Variants in PEX7 observed in about 807,000 individuals in gnomAD.
PEX7 encodes the protein peroxisomal biogenesis factor 7, also known as PTS2 receptor.
PEX7 carries 34 observed loss-of-function variants against 47.5 expected under a neutral mutation model. That is an observed-to-expected ratio of 0.72 (90% CI 0.54 to 0.95). The LOEUF is 0.95. PEX7 is among the 40% of genes least tolerant of loss of function. PEX7 has a pLI of 0.00. For synonymous variants in PEX7, 141 were observed against 148.8 expected, an observed-to-expected ratio of 0.95 and a Z score of 0.38; for missense variants, 394 against 400.3, an observed-to-expected ratio of 0.98 and a Z score of 0.13.
intron 9 of PEX7, among the ~76,000 whole-genome samples, chr6:136,913,187 T>TG (rs1321981405): frequency 6.6e-6 from 1 of 152,160 alleles, no homozygotes; most frequent in African/African-American, 2.4e-5. Flanking sequence ...GAAGTGAAGG[T>TG]GGGGGACATT....
chr6:136,873,208 C>A (rs1280476249), intron 8 of PEX7, among the ~76,000 whole-genome samples: 1 of 152,122 alleles, frequency 6.6e-6, no homozygotes, highest in East Asian at 1.9e-4. Context: ...TCCTGGAAAT[C>A]ATTCTGTATC....
At chr6:136,890,799 G>T (rs1190097438) in intron 8 of PEX7, among the ~76,000 whole-genome samples, 2 of 152,112 alleles carry the variant, frequency 1.3e-5, no homozygotes, top group East Asian at 3.9e-4. Context: ...TAGGTGTGGG[G>T]TGAAGTTCTA....
rs375142473 is a variant in PEX7, at chr6:136,843,629, T to C, written c.340-1986T>C. 6.1e-4 allele frequency among the ~76,000 whole-genome samples: 93 copies of C among 152,376 alleles called. 2 individuals carry two copies. The highest frequency in any genetic ancestry group is 2.2e-3 in the African/African-American group (92 of 41,584). ...TTACCATTTACTATATGGTCCTTTG[T>C]AGGCGAAATTTAGAGGATAAAATCA... On this transcript the variant is annotated intron_variant, in intron 3 of 9. Transcript: ENST00000318471.
At position 136,881,179 on chromosome 6, in the gene PEX7, G is replaced by A. The variant is rs367565537; in HGVS notation, c.803+8926G>A. ...GAACAAAAATTCCCTCCTTCAGGAG[G>A]GAGTTCATGTTGGAAAGCAGGAAGG... On this transcript the variant is annotated intron_variant, in intron 8 of 9. Coordinates refer to ENST00000318471, the MANE Select transcript of PEX7 (RefSeq NM_000288.4). Among the ~76,000 whole-genome samples, 22 of 152,250 alleles carry A rather than the reference G, an allele frequency of 1.4e-4. No homozygotes were observed. In the South Asian group the frequency reaches 4.6e-3, roughly 32 times the overall value.
Position 136,900,872 on chromosome 6 carries a change from C to A in PEX7, c.903+2631C>A. On this transcript the variant is annotated intron_variant, in intron 9 of 9. Transcript: ENST00000318471. This position sits in a 1 kb window ranked among gnomAD's most constrained non-coding sequence, Gnocchi z 4.2. ...CTTTGTCTCTGGTCTGTATTATGGG[C>A]CAGCTTATGTAGTTGAGTAGCTGTT... 2 of 267,022 alleles carry A rather than the reference C, an allele frequency of 7.5e-6. No individual in the cohort carries two copies. The highest frequency in any genetic ancestry group is 1.2e-4 in the East Asian group (1 of 8,364). The allele number at this position is 267,022 out of a possible 1,614,324, so 16.5% of individuals were successfully genotyped here. A position where few individuals can be genotyped will look rare whatever the true frequency, so the allele number is the denominator to read the frequency against.
At chr6:136,903,312 G>T (rs1388675128) in intron 9 of PEX7, among the ~76,000 whole-genome samples, 1 of 149,116 alleles carries the variant, frequency 6.7e-6, no homozygotes, top group Admixed American at 6.7e-5. Flanking sequence ...CAAAGTTTGG[G>T]TAAACAATCT....
At chr6:136,886,587 C>T (rs186517622) in intron 8 of PEX7, among the ~76,000 whole-genome samples, 68 of 152,272 alleles carry the variant, frequency 4.5e-4, no homozygotes, top group African/African-American at 1.4e-3. Flanking sequence ...CCTAGCATTA[C>T]GTTAATAACA....
rs138610272 is a variant in PEX7 at position 136,893,466 on chromosome 6, C to T, written c.804-4676C>T. Among the ~76,000 whole-genome samples the T allele has an allele frequency of 5.7e-3, 861 of 152,282 alleles. 15 individuals are homozygous for T. The highest frequency in any genetic ancestry group is 0.019 in the African/African-American group (810 of 41,554). On this transcript the variant is annotated intron_variant, in intron 8 of 9. Transcript: ENST00000318471. Reference sequence around the variant, plus strand: ...AGTCATCCTGCATTGTCTTTTGGGGCACTTGTCAATTGTCATTACGTTTGT... The same window carrying T: ...AGTCATCCTGCATTGTCTTTTGGGGTACTTGTCAATTGTCATTACGTTTGT...
At chr6:136,903,135 T>C (rs1775781613) in intron 9 of PEX7, among the ~76,000 whole-genome samples, 1 of 152,148 alleles carries the variant, frequency 6.6e-6, no homozygotes, top group African/African-American at 2.4e-5. Flanking sequence ...GCACATATTT[T>C]TAAGTGTACA....
At chr6:136,898,331 G>C (rs1775689197) in intron 9 of PEX7, 90 bp downstream of exon 9, 1 of 831,726 alleles carries the variant, frequency 1.2e-6, no homozygotes, top group Non-Finnish European at 2.1e-6. Context: ...TAAAATTGTT[G>C]CCATTTTAGC....
intron 8 of PEX7, among the ~76,000 whole-genome samples, chr6:136,872,744 CTATT>C (rs1775204679): frequency 6.6e-6 from 1 of 152,010 alleles, no homozygotes; most frequent in African/African-American, 2.4e-5. Flanking sequence ...GTGTGGGTCT[CTATT>C]TATACTTCCA....
At chr6:136,855,589 C>T (rs1562739152) in intron 5 of PEX7, 1 of 181,588 alleles carries the variant, frequency 5.5e-6, no homozygotes, top group Non-Finnish European at 1.1e-5. Flanking sequence ...ATCCGCCTGC[C>T]TTGGCCTCCC....
chr6:136,856,875 A>G (rs963381595), intron 5 of PEX7, among the ~76,000 whole-genome samples: 1 of 151,992 alleles, frequency 6.6e-6, no homozygotes, highest in Admixed American at 6.5e-5. Flanking sequence ...AAGCTCTAAC[A>G]TATGTTCTTC....
In PEX7 at chr6:136,898,145, C is replaced by A. The variant is rs949000822; in HGVS notation, c.807C>A (p.Phe269Leu). ...ASCSYDFTVR[F>L]WNFSKPDSLL... is the part of the protein sequence containing the mutation. ...TCCCTTTTATTTATCTTCACAGATT[C>A]TGGAACTTTTCAAAGCCTGACTCTC... Residue 269 changes from phenylalanine (F) to leucine (L), a missense_variant, in exon 9 of 10, where the codon TTC (phenylalanine) becomes TTA (leucine). By Grantham distance (22) the Phe-to-Leu change is conservative. Transcript: ENST00000318471. 5.7e-6 allele frequency: 9 copies of A among 1,590,958 alleles called. No homozygotes were observed. Among genetic ancestry groups the A allele is most frequent in the Non-Finnish European group, 7.8e-6 (9 of 1,159,064 alleles).
chr6:136,903,428 G>A (rs953670518), intron 9 of PEX7, among the ~76,000 whole-genome samples: 28 of 146,956 alleles, frequency 1.9e-4, no homozygotes, highest in Non-Finnish European at 4.0e-4. Context: ...CTCCTGCCTC[G>A]GCCTCCCAAA....
chr6:136,913,817 A>G lies in PEX7; in HGVS notation c.*291A>G. 2.8e-6 allele frequency: 1 copy of G among 359,512 alleles called. No individual in the cohort carries two copies. Among genetic ancestry groups the G allele is most frequent in the Non-Finnish European group, 5.1e-6 (1 of 196,634 alleles). The allele number at this position is 359,512 out of a possible 1,614,324, so 22.3% of individuals were successfully genotyped here. ...CATAAAATGGATTAAAATATGGGAGATCAGTAGGTTATACTTATATAGATA... is the reference window on the plus strand; with the variant it reads ...CATAAAATGGATTAAAATATGGGAGGTCAGTAGGTTATACTTATATAGATA... On this transcript the variant is annotated 3_prime_UTR_variant, in exon 10 of 10. Coordinates refer to ENST00000318471, the MANE Select transcript of PEX7 (RefSeq NM_000288.4).
chr6:136,853,443 G>C (rs1774796897), intron 5 of PEX7, among the ~76,000 whole-genome samples: 1 of 147,100 alleles, frequency 6.8e-6, no homozygotes, highest in Non-Finnish European at 1.5e-5. Context: ...TCCAAAGATA[G>C]ACAATAGGTA....
chr6:136,853,447 A>G (rs575976213), intron 5 of PEX7, among the ~76,000 whole-genome samples: 1 of 141,230 alleles, frequency 7.1e-6, no homozygotes, highest in Non-Finnish European at 1.5e-5. Flanking sequence ...AAGATAGACA[A>G]TAGGTAGGAT....
chr6:136,913,522 C>CTT lies in PEX7; in HGVS notation c.969_970dup (p.Ter324PhefsTer22). 6.2e-7 allele frequency: 1 copy of CTT among 1,603,942 alleles called. No individual in the cohort carries two copies. The highest frequency in any genetic ancestry group is 8.5e-7 in the Non-Finnish European group (1 of 1,171,160). ...GACCCTGCTTGTCTTACTATTCCTGCTTGAGATACACTACTTTGGTCAGAA... is the reference window on the plus strand; with the variant it reads ...GACCCTGCTTGTCTTACTATTCCTGCTTTTGAGATACACTACTTTGGTCAGAA... On this transcript the variant is annotated frameshift_variant, in exon 10 of 10. Transcript: ENST00000318471. LOFTEE classifies it high-confidence loss of function.
Sources: allele counts gnomAD v4.1 joint callset (sites outside exome capture counted in the v4.1 genomes callset), GRCh38; gene constraint gnomAD v4.1.1; non-coding constraint Gnocchi (gnomAD v3.1); transcripts MANE v1.5; gene names NCBI Gene and HGNC (gene_info 2026-07-23, HGNC 2026-07-21).